ARFRP1: variants seen among roughly 807,000 people sequenced by gnomAD.
ARFRP1 encodes ADP-ribosylation factor-related protein 1.
In ARFRP1, 19 loss-of-function variants were observed where a neutral mutation model predicts 30.3. The observed-to-expected ratio is 0.63, with a 90% confidence interval of 0.44 to 0.92. The LOEUF is 0.92. Ranked by LOEUF, ARFRP1 falls within the 40% of genes least tolerant of loss-of-function variation. The pLI, the probability that ARFRP1 is intolerant of heterozygous loss-of-function variation, is 0.00. For missense variants in ARFRP1, 245 were observed against 267.5 expected (o/e 0.92, Z 0.59); for synonymous variants, 133 against 114.2 (o/e 1.16, Z -1.05).
At position 63,699,768 on chromosome 20, in the gene ARFRP1, A is replaced by T. The variant is rs1270413093; in HGVS notation, c.*675T>A. On this transcript the variant is annotated 3_prime_UTR_variant, in exon 8 of 8. Coordinates refer to ENST00000622789, the MANE Select transcript of ARFRP1 (RefSeq NM_001267547.3). The stretch of plus-strand genomic sequence containing the variant: ...CAACTTGCGGGGCTGGGGCATAAAA[A>T]CAGCCACTCCCAGCAGGCCCCCTCA... 6.5e-6 allele frequency: 1 copy of T among 154,130 alleles called. No homozygotes were observed. The highest frequency in any genetic ancestry group is 2.4e-5 in the African/African-American group (1 of 41,398). 9.5% of individuals were successfully genotyped at this position (154,130 alleles called of 1,614,324 possible). A position where few individuals can be genotyped will look rare whatever the true frequency, so the allele number is the denominator to read the frequency against.
intron 2 of ARFRP1, 77 bp downstream of exon 2, chr20:63,706,922 G>T (rs1261452834): frequency 1.9e-6 from 3 of 1,542,296 alleles, no homozygotes; most frequent in Admixed American, 1.7e-5. Flanking sequence ...GGTAGTGAAC[G>T]TGCAGCTGAC....
chr20:63,700,273 G>T lies in ARFRP1; in HGVS notation c.*170C>A. 9.9e-7 allele frequency: 1 copy of T among 1,010,034 alleles called. No homozygotes were observed. Among genetic ancestry groups the T allele is most frequent in the Non-Finnish European group, 1.4e-6 (1 of 701,106 alleles). 62.6% of individuals were successfully genotyped at this position (1,010,034 alleles called of 1,614,324 possible). A position where few individuals can be genotyped will look rare whatever the true frequency, so the allele number is the denominator to read the frequency against. On this transcript the variant is annotated 3_prime_UTR_variant, in exon 8 of 8. Coordinates refer to ENST00000622789, the MANE Select transcript of ARFRP1 (RefSeq NM_001267547.3). The stretch of plus-strand genomic sequence containing the variant: ...AGACTCCCCTCCAAAGCCTCCGGAT[G>T]CCTACGCTTTTCCAGACATAGAGGA...
In ARFRP1 at chr20:63,706,351, T is replaced by A; in HGVS notation, c.264+6A>T. 6.2e-7 allele frequency: 1 copy of A among 1,612,170 alleles called. No individual in the cohort carries two copies. Among genetic ancestry groups the A allele is most frequent in the African/African-American group, 1.3e-5 (1 of 74,826 alleles). On this transcript the variant is annotated splice_donor_region_variant and intron_variant, in intron 4 of 7. Coordinates refer to ENST00000622789, the MANE Select transcript of ARFRP1 (RefSeq NM_001267547.3). ...GGTGGGGGTGGTCCTGGCCAGGGAG[T>A]CTTACCTTGTCCCACAAAGACTGCA...
In ARFRP1 at chr20:63,700,371, G is replaced by A; in HGVS notation, c.*72C>T. On this transcript the variant is annotated 3_prime_UTR_variant, in exon 8 of 8. Transcript: ENST00000622789. ...AGCAAACCCACCCCCCAGATCAGCA[G>A]CATGGGAGCCAACAGGAGGCCACTC... The A allele has an allele frequency of 5.7e-6, 9 of 1,589,066 alleles. No individual in the cohort carries two copies. The highest frequency in any genetic ancestry group is 6.8e-6 in the Non-Finnish European group (8 of 1,171,782).
At position 63,707,093 on chromosome 20, in the gene ARFRP1, C is replaced by G. The variant is rs1033572030; in HGVS notation, c.-2G>C. 3.1e-6 allele frequency: 5 copies of G among 1,604,188 alleles called. No homozygotes were observed. On this transcript the variant is annotated 5_prime_UTR_variant, in exon 2 of 8. Transcript: ENST00000622789. ...CAAGCCCGACAGCAGCGTGTACATC[C>G]TGCCCTGGGCACCCCAACATAGGTC...
At position 63,698,650 on chromosome 20, in the gene ARFRP1, C is replaced by T. The variant is rs1171278281; in HGVS notation, c.*1793G>A. ...TTTTTAAATAGAAGAAATGAGGTTTCTTAAAGCTTATTTTTATAAAGCTTT... is the reference window on the plus strand; with the variant it reads ...TTTTTAAATAGAAGAAATGAGGTTTTTTAAAGCTTATTTTTATAAAGCTTT... On this transcript the variant is annotated 3_prime_UTR_variant, in exon 8 of 8. Transcript: ENST00000622789. 5 of 1,336,030 alleles carry T rather than the reference C, an allele frequency of 3.7e-6. No individual in the cohort carries two copies. Among genetic ancestry groups the T allele is most frequent in the African/African-American group, 3.1e-5 (2 of 63,854 alleles). 82.8% of individuals were successfully genotyped at this position (1,336,030 alleles called of 1,614,324 possible).
In ARFRP1 at chr20:63,700,671, G is replaced by A. The variant is rs2091160238; in HGVS notation, c.449C>T (p.Ala150Val). ...TCLSIPDIKT[A>V]FSDCTSKIGR... Reference sequence around the variant, plus strand: ...GATCTTGCTGGTGCAGTCGCTGAAGGCCGTCTTGATGTCAGGGATTGAGAG... The same window carrying A: ...GATCTTGCTGGTGCAGTCGCTGAAGACCGTCTTGATGTCAGGGATTGAGAG... Residue 150 changes from alanine to valine, a missense_variant, in exon 7 of 8, where the codon GCC (alanine) becomes GTC (valine). Transcript: ENST00000622789. 2.5e-6 allele frequency: 4 copies of A among 1,610,938 alleles called. No individual in the cohort carries two copies. The South Asian group carries it at 3.3e-5, about 13-fold the overall frequency.
intron 3 of ARFRP1, 71 bp from the exon 4 acceptor site, chr20:63,706,510 G>C (rs1478948643): frequency 1.3e-6 from 2 of 1,560,336 alleles, no homozygotes; most frequent in Admixed American, 3.3e-5. Flanking sequence ...GCTCTCCCAG[G>C]GGATGGGGCA....
chr20:63,701,763 G>A lies in ARFRP1; in HGVS notation c.417+67C>T, dbSNP rs2236508. On this transcript the variant is annotated intron_variant, in intron 6 of 7. Coordinates refer to ENST00000622789, the MANE Select transcript of ARFRP1 (RefSeq NM_001267547.3). Reference sequence around the variant, plus strand: ...GCCTGGGGTGTCTGGGTGCACACCTGCTCCCCTTGCTGTGGGGGAGGCTGG... The same window carrying A: ...GCCTGGGGTGTCTGGGTGCACACCTACTCCCCTTGCTGTGGGGGAGGCTGG... 0.24 allele frequency: 348,953 copies of A among 1,443,336 alleles called. 47,267 individuals are homozygous for A. Among genetic ancestry groups the A allele is most frequent in the East Asian group, 0.62 (25,158 of 40,508 alleles). The allele number at this position is 1,443,336 out of a possible 1,614,324, so 89.4% of individuals were successfully genotyped here.
At chr20:63,707,255 CTG>C (rs2091527841) in intron 1 of ARFRP1, 158 bp from the exon 2 acceptor site, 7 of 628,304 alleles carry the variant, frequency 1.1e-5, no homozygotes, top group Middle Eastern at 2.7e-4. Flanking sequence ...CCCCGTCCCT[CTG>C]TAACTTCTCC....
In ARFRP1 at chr20:63,700,650, T is replaced by C. The variant is rs1311491835; in HGVS notation, c.470A>G (p.Lys157Arg). 2 of 1,611,014 alleles carry C rather than the reference T, an allele frequency of 1.2e-6. No individual in the cohort carries two copies. The highest frequency in any genetic ancestry group is 1.7e-6 in the Non-Finnish European group (2 of 1,179,856). Residue 157 changes from lysine (K) to arginine (R), a missense_variant, in exon 7 of 8, where the codon AAG becomes AGG. Lys to Arg is a conservative substitution (Grantham distance 26, BLOSUM62 2). Coordinates refer to ENST00000622789, the MANE Select transcript of ARFRP1 (RefSeq NM_001267547.3). ...GGTCAGGCAATCTCGCCTGCCGATCTTGCTGGTGCAGTCGCTGAAGGCCGT... is the reference window on the plus strand; with the variant it reads ...GGTCAGGCAATCTCGCCTGCCGATCCTGCTGGTGCAGTCGCTGAAGGCCGT... ...IKTAFSDCTS[K>R]IGRRDCLTQA...
At chr20:63,704,747 C>A (rs1312963544) in intron 4 of ARFRP1, 1 of 152,260 alleles carries the variant, frequency 6.6e-6, no homozygotes, top group African/African-American at 2.4e-5. Context: ...ATCTCTGGCC[C>A]CACTGTATTC....
At position 63,698,796 on chromosome 20, in the gene ARFRP1, T is replaced by G; in HGVS notation, c.*1647A>C. The G allele has an allele frequency of 4.5e-6, 2 of 445,840 alleles. No individual in the cohort carries two copies. Among genetic ancestry groups the G allele is most frequent in the Non-Finnish European group, 7.7e-6 (2 of 259,980 alleles). 27.6% of individuals were successfully genotyped at this position (445,840 alleles called of 1,614,324 possible). A position where few individuals can be genotyped will look rare whatever the true frequency, so the allele number is the denominator to read the frequency against. ...CAGAACTGCTGCCCGGGGCTTCCCC[T>G]ACCTCAGACAGACCCTCCCTGGGAG... On this transcript the variant is annotated 3_prime_UTR_variant, in exon 8 of 8. Coordinates refer to ENST00000622789, the MANE Select transcript of ARFRP1 (RefSeq NM_001267547.3).
At chr20:63,703,465 C>T (rs1156299610) in intron 4 of ARFRP1, 1 of 151,482 alleles carries the variant, frequency 6.6e-6, no homozygotes, top group Non-Finnish European at 1.5e-5. Flanking sequence ...GGCCAGGCGC[C>T]CTCCAGGGTT....
intron 6 of ARFRP1, 88 bp downstream of exon 6, chr20:63,701,742 G>T: frequency 7.9e-7 from 1 of 1,259,780 alleles, no homozygotes; most frequent in Non-Finnish European, 1.1e-6. Context: ...CACTGGGCCT[G>T]GGGTGTCTGG....
chr20:63,707,212 G>T, intron 1 of ARFRP1, 115 bp from the exon 2 acceptor site: 1 of 858,400 alleles, frequency 1.2e-6, no homozygotes. Flanking sequence ...ACGAGAGCCT[G>T]GGGGCCATTC....
chr20:63,706,232 C>T (rs1000445426), intron 4 of ARFRP1, 125 bp downstream of exon 4: 7 of 898,894 alleles, frequency 7.8e-6, no homozygotes, highest in African/African-American at 1.6e-5. Context: ...TGGGACAGGA[C>T]CAGAGAGAAA....
chr20:63,702,456 G>GA lies in ARFRP1; in HGVS notation c.265-240dup, dbSNP rs1047699239. The GA allele has an allele frequency of 2.0e-5, 11 of 548,082 alleles. No homozygotes were observed. The Admixed American group carries it at 3.2e-4, about 16-fold the overall frequency. The allele number at this position is 548,082 out of a possible 1,614,324, so 34.0% of individuals were successfully genotyped here. On this transcript the variant is annotated intron_variant, in intron 4 of 7. Transcript: ENST00000622789. The stretch of plus-strand genomic sequence containing the variant: ...CTTTGGCCTGATGGTGGCCAAAGGT[G>GA]AAAGACAGGGATTGGGCCAGGCGTG...
In ARFRP1 at chr20:63,700,384, C is replaced by T; in HGVS notation, c.*59G>A. ...CCCAGATCAGCAGCATGGGAGCCAA[C>T]AGGAGGCCACTCCTCCAGCACCAGG... On this transcript the variant is annotated 3_prime_UTR_variant, in exon 8 of 8. Coordinates refer to ENST00000622789, the MANE Select transcript of ARFRP1 (RefSeq NM_001267547.3). The T allele has an allele frequency of 1.3e-6, 2 of 1,597,476 alleles. No homozygotes were observed. Among genetic ancestry groups the T allele is most frequent in the Non-Finnish European group, 1.7e-6 (2 of 1,177,646 alleles).
Sources: allele counts gnomAD v4.1 joint callset, GRCh38; gene constraint gnomAD v4.1.1; transcripts MANE v1.5; gene names NCBI Gene and HGNC (gene_info 2026-07-23, HGNC 2026-07-21).